MTMR7: variants seen among roughly 807,000 people sequenced by gnomAD.
MTMR7 encodes the protein phosphatidylinositol-3-phosphate phosphatase MTMR7.
MTMR7 carries 76 observed loss-of-function variants against 81.2 expected under a neutral mutation model. That is an observed-to-expected ratio of 0.94 (90% CI 0.78 to 1.13). MTMR7 has a LOEUF of 1.13. Among genes scored for constraint, MTMR7 ranks in the 50% most tolerant of loss-of-function variants. The pLI, the probability that MTMR7 is intolerant of heterozygous loss-of-function variation, is 0.00. For synonymous variants in MTMR7, 372 were observed against 289.8 expected (o/e 1.28, Z -2.88); for missense variants, 1,044 against 820.0 (o/e 1.27, Z -3.34).
At chr8:17,381,225 T>C (rs901169302) in intron 1 of MTMR7, among the ~76,000 whole-genome samples, 2 of 152,160 alleles carry the variant, frequency 1.3e-5, no homozygotes, top group Non-Finnish European at 2.9e-5. Context: ...AAGGGTTTCA[T>C]CATCTTTTCT....
At chr8:17,401,649 T>G (rs550163973) in intron 1 of MTMR7, among the ~76,000 whole-genome samples, 215 of 152,168 alleles carry the variant, frequency 1.4e-3, no homozygotes, top group African/African-American at 5.0e-3. Context: ...CTGGATATAT[T>G]TTAAAAGTAG....
At chr8:17,329,222 A>G (rs1029571715) in intron 7 of MTMR7, among the ~76,000 whole-genome samples, 11 of 152,174 alleles carry the variant, frequency 7.2e-5, no homozygotes, top group African/African-American at 2.7e-4. Context: ...GAAGGAGGAA[A>G]AGCCTTAGAA....
At chr8:17,332,619 C>A (rs1207677185) in intron 6 of MTMR7, among the ~76,000 whole-genome samples, 5 of 152,214 alleles carry the variant, frequency 3.3e-5, no homozygotes, top group African/African-American at 1.2e-4. Context: ...GCCGCTGCTG[C>A]TGCCCAGCAT....
At chr8:17,340,917 C>T (rs773735093) in intron 6 of MTMR7, among the ~76,000 whole-genome samples, 2 of 152,076 alleles carry the variant, frequency 1.3e-5, no homozygotes, top group East Asian at 3.9e-4. Flanking sequence ...TTTTATAGTT[C>T]TTTCCAAGTC....
chr8:17,393,183 T>C (rs937967576), intron 1 of MTMR7, among the ~76,000 whole-genome samples: 2 of 152,060 alleles, frequency 1.3e-5, no homozygotes, highest in African/African-American at 4.8e-5. Flanking sequence ...AGTAGGAAAA[T>C]TACTTTCAAT....
At chr8:17,323,443 T>C (rs1818511343) in intron 7 of MTMR7, among the ~76,000 whole-genome samples, 1 of 152,034 alleles carries the variant, frequency 6.6e-6, no homozygotes, top group African/African-American at 2.4e-5. Flanking sequence ...GTTTAAGGGA[T>C]GCTAAAATCT....
Position 17,358,120 on chromosome 8 carries a change from T to G in MTMR7, c.468+2997A>C, listed in dbSNP as rs549103725. ...CTAGAACAATATCACAGATAGTATT[T>G]TACCGCAAAAAAGATTTTCAGATTG... On this transcript the variant is annotated intron_variant, in intron 4 of 13. Coordinates refer to ENST00000180173, the MANE Select transcript of MTMR7 (RefSeq NM_004686.5). Among the ~76,000 whole-genome samples the G allele has an allele frequency of 4.6e-5, 7 of 152,118 alleles. No homozygotes were observed. In the East Asian group the frequency reaches 1.4e-3, roughly 29 times the overall value.
chr8:17,406,870 C>A (rs1383223072), intron 1 of MTMR7, among the ~76,000 whole-genome samples: 1 of 152,076 alleles, frequency 6.6e-6, no homozygotes, highest in African/African-American at 2.4e-5. Flanking sequence ...CAAAAGGCCA[C>A]ATATTGTATG....
chr8:17,330,815 A>G (rs1024386543), intron 7 of MTMR7, among the ~76,000 whole-genome samples: 1 of 152,176 alleles, frequency 6.6e-6, no homozygotes, highest in African/African-American at 2.4e-5. Flanking sequence ...TTATTGCTTT[A>G]AATGTAGGAT....
chr8:17,341,824 G>GA (rs150843514), intron 5 of MTMR7, among the ~76,000 whole-genome samples: 394 of 151,778 alleles, frequency 2.6e-3, no homozygotes, highest in African/African-American at 9.2e-3. Flanking sequence ...CCTGCTGAAA[G>GA]AAAAAATACA....
rs140896995 is a variant in MTMR7 at position 17,306,607 on chromosome 8, G to GT, written c.1152-651dup. On this transcript the variant is annotated intron_variant, in intron 10 of 13. Coordinates refer to ENST00000180173, the MANE Select transcript of MTMR7 (RefSeq NM_004686.5). ...ACTCCTTAGCCCTTTACACTACTGTGTGAGTTTTACAGAGAATCCAAAAGG... is the reference window on the plus strand; with the variant it reads ...ACTCCTTAGCCCTTTACACTACTGTGTTGAGTTTTACAGAGAATCCAAAAGG... Among the ~76,000 whole-genome samples, 872 of 152,272 alleles carry GT rather than the reference G, an allele frequency of 5.7e-3. 10 individuals are homozygous for GT. Among genetic ancestry groups the GT allele is most frequent in the African/African-American group, 0.02 (819 of 41,558 alleles).
At chr8:17,314,350 C>T (rs553039416) in intron 7 of MTMR7, among the ~76,000 whole-genome samples, 1 of 152,124 alleles carries the variant, frequency 6.6e-6, no homozygotes, top group Admixed American at 6.5e-5. Flanking sequence ...TTTTCTACCC[C>T]CAACTCCATG....
At position 17,297,214 on chromosome 8, in the gene MTMR7, G is replaced by A. The variant is rs1361248829; in HGVS notation, c.*2648C>T. Reference sequence around the variant, plus strand: ...GGAGTTACTAGGCTAATCAGTGTACGAATTTGTCATAGGTAGAGATTTAAA... The same window carrying A: ...GGAGTTACTAGGCTAATCAGTGTACAAATTTGTCATAGGTAGAGATTTAAA... On this transcript the variant is annotated 3_prime_UTR_variant, in exon 14 of 14. Transcript: ENST00000180173. The A allele has an allele frequency of 3.3e-5, 5 of 152,202 alleles. No homozygotes were observed. The highest frequency in any genetic ancestry group is 1.9e-4 in the East Asian group (1 of 5,186). 9.4% of individuals were successfully genotyped at this position (152,202 alleles called of 1,614,324 possible). A position where few individuals can be genotyped will look rare whatever the true frequency, so the allele number is the denominator to read the frequency against.
intron 1 of MTMR7, among the ~76,000 whole-genome samples, chr8:17,377,644 G>C (rs1200922338): frequency 2.0e-5 from 3 of 151,864 alleles, no homozygotes; most frequent in East Asian, 1.9e-4. Context: ...CATTCTTTTT[G>C]TTTAATAACA....
intron 3 of MTMR7, among the ~76,000 whole-genome samples, chr8:17,370,534 C>T (rs1173543674): frequency 3.6e-5 from 4 of 109,854 alleles, no homozygotes; most frequent in Non-Finnish European, 6.7e-5. Flanking sequence ...CCAGCCTGGG[C>T]GACGGAGAAA....
intron 3 of MTMR7, among the ~76,000 whole-genome samples, chr8:17,369,761 TC>T (rs1820354796): frequency 6.8e-6 from 1 of 146,784 alleles, no homozygotes; most frequent in African/African-American, 2.5e-5. Context: ...TCCTCCTGCC[TC>T]AGCCTCCCAA....
At chr8:17,378,235 G>A (rs905335294) in intron 1 of MTMR7, among the ~76,000 whole-genome samples, 4 of 152,070 alleles carry the variant, frequency 2.6e-5, no homozygotes, top group African/African-American at 9.7e-5. Context: ...AGGGAAAAAA[G>A]AAATAAGGAG....
chr8:17,303,597 C>T (rs11786260), intron 12 of MTMR7, among the ~76,000 whole-genome samples: 3,990 of 141,566 alleles, frequency 0.028, 83 homozygotes, highest in Non-Finnish European at 0.041. Flanking sequence ...CCCATTCTCC[C>T]CATACATACA....
At position 17,297,130 on chromosome 8, in the gene MTMR7, A is replaced by C. The variant is rs899402315; in HGVS notation, c.*2732T>G. The C allele has an allele frequency of 6.6e-6, 1 of 152,194 alleles. No individual in the cohort carries two copies. The highest frequency in any genetic ancestry group is 1.5e-5 in the Non-Finnish European group (1 of 68,020). The allele number at this position is 152,194 out of a possible 1,614,324, so 9.4% of individuals were successfully genotyped here. ...CACAGGAAAAATGAAATGCATGTGAAAGTTTGTATTCTGATTTTACAAGAT... is the reference window on the plus strand; with the variant it reads ...CACAGGAAAAATGAAATGCATGTGACAGTTTGTATTCTGATTTTACAAGAT... On this transcript the variant is annotated 3_prime_UTR_variant, in exon 14 of 14. Coordinates refer to ENST00000180173, the MANE Select transcript of MTMR7 (RefSeq NM_004686.5).
Sources: allele counts gnomAD v4.1 joint callset (sites outside exome capture counted in the v4.1 genomes callset), GRCh38; gene constraint gnomAD v4.1.1; transcripts MANE v1.5; gene names NCBI Gene and HGNC (gene_info 2026-07-23, HGNC 2026-07-21).